The following NOX4 variants were observed in gnomAD, a reference collection of about 807,000 sequenced individuals.
The protein encoded by NOX4 is kidney oxidase-1.
A neutral mutation model predicts 87.6 loss-of-function variants in NOX4; 69 were observed. The ratio of observed to expected loss-of-function variants is 0.79; its 90% CI spans 0.65 to 0.96. NOX4 has a LOEUF of 0.96. Ranked by LOEUF, NOX4 falls within the 40% of genes least tolerant of loss-of-function variation. The pLI is 0.00. For synonymous variants in NOX4, 275 were observed against 238.2 expected (o/e 1.15, Z -1.42); for missense variants, 680 against 681.5 (o/e 1.00, Z 0.02).
At chr11:89,589,330 C>A in the NOX4 span, 2 of 152,194 alleles carry the variant, frequency 1.3e-5, no homozygotes, top group East Asian at 3.9e-4. Context: ...AGTGGAATTT[C>A]TTTCTCTACC....
intron 5 of NOX4, among the ~76,000 whole-genome samples, 178 bp from the exon 6 acceptor site, chr11:89,440,893 TACA>T (rs1224095090): frequency 6.6e-6 from 1 of 152,184 alleles, no homozygotes; most frequent in Non-Finnish European, 1.5e-5. Context: ...TAGAGGAGAT[TACA>T]ACAAGTAAAA....
chr11:89,454,339 C>T (rs1945095086), intron 2 of NOX4, among the ~76,000 whole-genome samples: 1 of 152,032 alleles, frequency 6.6e-6, no homozygotes, highest in South Asian at 2.1e-4. Flanking sequence ...TCTACTCTGA[C>T]AAGCTGAGTA....
At chr11:89,537,421 T>C in the NOX4 span, among the ~76,000 whole-genome samples, 1 of 151,546 alleles carries the variant, frequency 6.6e-6, no homozygotes, top group African/African-American at 2.4e-5. Context: ...ATACATATTA[T>C]ATAATATGTA....
chr11:89,368,723 C>A (rs369402543), intron 12 of NOX4, among the ~76,000 whole-genome samples: 1 of 152,052 alleles, frequency 6.6e-6, no homozygotes, highest in African/African-American at 2.4e-5. Flanking sequence ...GACACATTCA[C>A]ACCATGGGAA....
At chr11:89,327,169 CTT>C (rs1945254500) in intron 17 of NOX4, among the ~76,000 whole-genome samples, 2 of 152,116 alleles carry the variant, frequency 1.3e-5, no homozygotes, top group Non-Finnish European at 2.9e-5. Flanking sequence ...CTTTTCATGA[CTT>C]GTCATTGGTG....
chr11:89,491,838 A>G (rs998066613), upstream of NOX4, among the ~76,000 whole-genome samples: 7 of 151,820 alleles, frequency 4.6e-5, no homozygotes, highest in Admixed American at 2.6e-4. Flanking sequence ...TGGTAACGAA[A>G]TTTGAGCCGG....
upstream of NOX4, among the ~76,000 whole-genome samples, chr11:89,502,697 A>C (rs1008846106): frequency 6.6e-6 from 1 of 152,078 alleles, no homozygotes; most frequent in East Asian, 1.9e-4. Flanking sequence ...AATTGATGAC[A>C]GAAGAATATT....
chr11:89,438,023 A>G (rs372665177), intron 6 of NOX4, among the ~76,000 whole-genome samples: 1 of 151,636 alleles, frequency 6.6e-6, no homozygotes, highest in East Asian at 1.9e-4. Context: ...GAAGGTTAGT[A>G]AAACACTTTG....
the NOX4 span, among the ~76,000 whole-genome samples, chr11:89,520,839 G>A: frequency 6.6e-6 from 1 of 152,134 alleles, no homozygotes; most frequent in Non-Finnish European, 1.5e-5. Flanking sequence ...AATGGCTTTA[G>A]TAAAGTTTCA....
chr11:89,570,808 A>T, the NOX4 span, among the ~76,000 whole-genome samples: 1 of 152,332 alleles, frequency 6.6e-6, no homozygotes, highest in East Asian at 1.9e-4. Context: ...CCTGGGAAAG[A>T]CAGCAAGACC....
At chr11:89,429,007 T>C (rs115810285) in intron 7 of NOX4, among the ~76,000 whole-genome samples, 31,087 of 151,340 alleles carry the variant, frequency 0.21, 3,567 homozygotes, top group Non-Finnish European at 0.28. Context: ...AAATTATACC[T>C]ATCTCTCACA....
intron 8 of NOX4, among the ~76,000 whole-genome samples, chr11:89,413,505 G>A (rs758806579): frequency 8.5e-5 from 13 of 152,080 alleles, no homozygotes; most frequent in Admixed American, 3.9e-4. Flanking sequence ...CCACAAAAAG[G>A]AGATCCTCTC....
intron 2 of NOX4, among the ~76,000 whole-genome samples, chr11:89,479,118 C>T (rs1946286226): frequency 1.3e-5 from 2 of 151,870 alleles, no homozygotes; most frequent in Non-Finnish European, 2.9e-5. Context: ...TCTTGTTCTA[C>T]AACTTTCTCA....
chr11:89,474,027 G>A (rs1441549787), intron 2 of NOX4, among the ~76,000 whole-genome samples: 1 of 152,128 alleles, frequency 6.6e-6, no homozygotes, highest in East Asian at 1.9e-4. Context: ...ACTCTTCACA[G>A]AGTTCAATTG....
chr11:89,584,506 T>C, the NOX4 span, among the ~76,000 whole-genome samples: 1 of 152,298 alleles, frequency 6.6e-6, no homozygotes, highest in South Asian at 2.1e-4. Context: ...GGTAAATAAA[T>C]TTGTGTGTGT....
At chr11:89,474,442 G>A (rs532517208) in intron 2 of NOX4, among the ~76,000 whole-genome samples, 3 of 129,870 alleles carry the variant, frequency 2.3e-5, no homozygotes, top group South Asian at 2.4e-4. Context: ...ATTCACTGCC[G>A]TATGATCTAT....
the NOX4 span, chr11:89,545,655 G>A: frequency 1.4e-5 from 2 of 146,938 alleles, no homozygotes; most frequent in Middle Eastern, 3.4e-3. Context: ...TGTAGCCCCT[G>A]AACTGAAAAT....
intron 6 of NOX4, among the ~76,000 whole-genome samples, chr11:89,437,598 G>T (rs908038558): frequency 2.0e-5 from 3 of 151,946 alleles, no homozygotes; most frequent in African/African-American, 7.2e-5. Context: ...CACCAAAATG[G>T]TGCTAATTTG....
intron 2 of NOX4, among the ~76,000 whole-genome samples, chr11:89,466,504 C>A (rs1945701281): frequency 6.6e-6 from 1 of 152,114 alleles, no homozygotes; most frequent in Non-Finnish European, 1.5e-5. Context: ...GTCACTGGAT[C>A]ACATCCTTTC....
Sources: allele counts gnomAD v4.1 joint callset (sites outside exome capture counted in the v4.1 genomes callset), GRCh38; gene constraint gnomAD v4.1.1; transcripts MANE v1.5; gene names NCBI Gene and HGNC (gene_info 2026-07-23, HGNC 2026-07-21).